ZNF385B: variants seen among roughly 807,000 people sequenced by gnomAD.
ZNF385B encodes zinc finger protein 385B.
Under a neutral mutation model 39.2 loss-of-function variants are expected in ZNF385B, and 23 were observed. That is an observed-to-expected ratio of 0.59 (90% CI 0.42 to 0.83). The LOEUF is 0.83. Ranked by LOEUF, ZNF385B falls within the 40% of genes least tolerant of loss-of-function variation. ZNF385B has a pLI of 0.00. For synonymous variants in ZNF385B, 205 were observed against 222.6 expected, an observed-to-expected ratio of 0.92 and a Z score of 0.70; for missense variants, 552 against 598.9, an observed-to-expected ratio of 0.92 and a Z score of 0.82.
chr2:179,856,342 C>T (rs1002901139), intron 1 of ZNF385B, among the ~76,000 whole-genome samples: 2 of 152,038 alleles, frequency 1.3e-5, no homozygotes, highest in East Asian at 3.9e-4. Context: ...TCCCCTCAAC[C>T]TGCTCCTCCT....
At chr2:179,512,298 C>A (rs1337700410) in intron 5 of ZNF385B, among the ~76,000 whole-genome samples, 1 of 151,968 alleles carries the variant, frequency 6.6e-6, no homozygotes, top group Non-Finnish European at 1.5e-5. Flanking sequence ...TCAAGTTGCC[C>A]TGTTTTGTGT....
At chr2:179,679,357 C>G (rs1370119787) in intron 3 of ZNF385B, among the ~76,000 whole-genome samples, 1 of 152,138 alleles carries the variant, frequency 6.6e-6, no homozygotes, top group Non-Finnish European at 1.5e-5. Flanking sequence ...GAATGTATCC[C>G]CATCATTAAG....
chr2:179,539,528 C>A (rs781477818), intron 4 of ZNF385B, among the ~76,000 whole-genome samples: 27 of 152,136 alleles, frequency 1.8e-4, no homozygotes, highest in Admixed American at 3.3e-4. Flanking sequence ...TATTTCAATT[C>A]AGAAGAAGTC....
rs79374983 is a variant in ZNF385B, at chr2:179,645,658, C to G, written c.299-100689G>C. Among the ~76,000 whole-genome samples the G allele has an allele frequency of 7.7e-3, 1,171 of 152,206 alleles. 16 individuals carry two copies. The highest frequency in any genetic ancestry group is 0.027 in the African/African-American group (1,128 of 41,528). Reference sequence around the variant, plus strand: ...GAGACTGCTTATGCGATCTAAAGTGCCTTCTCCATCCTCATCTCAGGTCCT... The same window carrying G: ...GAGACTGCTTATGCGATCTAAAGTGGCTTCTCCATCCTCATCTCAGGTCCT... On this transcript the variant is annotated intron_variant, in intron 3 of 9. Transcript: ENST00000410066.
chr2:179,516,030 T>C (rs2058064771), intron 5 of ZNF385B, among the ~76,000 whole-genome samples: 1 of 152,216 alleles, frequency 6.6e-6, no homozygotes, highest in African/African-American at 2.4e-5. Flanking sequence ...GCATATAGTC[T>C]TTGTGTCTTA....
intron 1 of ZNF385B, among the ~76,000 whole-genome samples, chr2:179,802,869 T>C (rs1479319499): frequency 6.6e-6 from 1 of 152,156 alleles, no homozygotes; most frequent in Non-Finnish European, 1.5e-5. Context: ...CCAAAAGGTT[T>C]GGCAGATAAA....
At chr2:179,474,107 T>TA (rs1203461183) in intron 6 of ZNF385B, among the ~76,000 whole-genome samples, 2 of 145,714 alleles carry the variant, frequency 1.4e-5, no homozygotes, top group Non-Finnish European at 3.1e-5. Flanking sequence ...ACAATTTGAT[T>TA]TAAAAAAAAA....
intron 3 of ZNF385B, among the ~76,000 whole-genome samples, chr2:179,694,988 A>AG (rs1180589719): frequency 1.2e-4 from 18 of 149,918 alleles, no homozygotes; most frequent in South Asian, 2.1e-4. Flanking sequence ...GAGGAGGAGG[A>AG]GAAGAAAAAG....
At chr2:179,539,428 C>A (rs943754302) in intron 4 of ZNF385B, among the ~76,000 whole-genome samples, 2 of 152,184 alleles carry the variant, frequency 1.3e-5, no homozygotes, top group Non-Finnish European at 2.9e-5. Context: ...ACATTCAGTT[C>A]ATAGCAATCT....
At chr2:179,689,418 A>ATTGGG (rs1464272015) in intron 3 of ZNF385B, among the ~76,000 whole-genome samples, 1 of 152,190 alleles carries the variant, frequency 6.6e-6, no homozygotes, top group African/African-American at 2.4e-5. Context: ...TCAGTCCAGT[A>ATTGGG]TTGGGCTAAC....
At chr2:179,472,607 G>A (rs1393071042) in intron 6 of ZNF385B, among the ~76,000 whole-genome samples, 1 of 152,168 alleles carries the variant, frequency 6.6e-6, no homozygotes, top group Non-Finnish European at 1.5e-5. Flanking sequence ...GTAATTAATA[G>A]CCGACAAGGA....
At chr2:179,827,033 A>T (rs1280745794) in intron 1 of ZNF385B, among the ~76,000 whole-genome samples, 1 of 152,244 alleles carries the variant, frequency 6.6e-6, no homozygotes, top group African/African-American at 2.4e-5. Context: ...CTAAGAATTT[A>T]AGATGATACA....
At chr2:179,816,878 G>A (rs1474923681) in intron 1 of ZNF385B, among the ~76,000 whole-genome samples, 1 of 152,078 alleles carries the variant, frequency 6.6e-6, no homozygotes, top group Non-Finnish European at 1.5e-5. Context: ...GGACCAGTGT[G>A]GTTTATGGAA....
At chr2:179,833,626 G>T (rs1708096569) in intron 1 of ZNF385B, among the ~76,000 whole-genome samples, 1 of 152,002 alleles carries the variant, frequency 6.6e-6, no homozygotes, top group Non-Finnish European at 1.5e-5. Context: ...AGCTAAAAAT[G>T]ACTAATTTTT....
At chr2:179,512,990 T>G (rs929199030) in intron 5 of ZNF385B, among the ~76,000 whole-genome samples, 6 of 152,134 alleles carry the variant, frequency 3.9e-5, no homozygotes, top group Non-Finnish European at 7.4e-5. Flanking sequence ...TAGGTCATAT[T>G]GAATTTTAAT....
At chr2:179,627,846 G>T (rs955162458) in intron 3 of ZNF385B, among the ~76,000 whole-genome samples, 2 of 152,092 alleles carry the variant, frequency 1.3e-5, no homozygotes, top group South Asian at 2.1e-4. Flanking sequence ...AGAAAGTGTA[G>T]GTAGAGTATA....
At chr2:179,542,296 G>T (rs1475452871) in intron 4 of ZNF385B, among the ~76,000 whole-genome samples, 1 of 152,134 alleles carries the variant, frequency 6.6e-6, no homozygotes, top group Non-Finnish European at 1.5e-5. Context: ...CACTTGGAAT[G>T]ACTTAATATT....
At chr2:179,633,166 C>G (rs939257979) in intron 3 of ZNF385B, among the ~76,000 whole-genome samples, 4 of 152,130 alleles carry the variant, frequency 2.6e-5, no homozygotes, top group Non-Finnish European at 5.9e-5. Flanking sequence ...CTATTCCAAT[C>G]AATAGAAAAA....
chr2:179,656,777 T>C (rs558196294), intron 3 of ZNF385B, among the ~76,000 whole-genome samples: 1 of 152,306 alleles, frequency 6.6e-6, no homozygotes, highest in South Asian at 2.1e-4. Context: ...ACCATATGTA[T>C]ATCTGTGCTC....
Sources: allele counts gnomAD v4.1 joint callset (sites outside exome capture counted in the v4.1 genomes callset), GRCh38; gene constraint gnomAD v4.1.1; transcripts MANE v1.5; gene names NCBI Gene and HGNC (gene_info 2026-07-23, HGNC 2026-07-21).